Variants in MARCHF1 observed in about 807,000 individuals in gnomAD.
MARCHF1 encodes the protein E3 ubiquitin-protein ligase MARCHF1.
In MARCHF1, 40 loss-of-function variants were observed where a neutral mutation model predicts 54.2. The observed-to-expected ratio is 0.74, with a 90% CI of 0.57 to 0.96. The LOEUF (loss-of-function observed/expected upper bound fraction) is 0.96, where lower values mean the gene tolerates loss of function less well. Ranked by LOEUF, MARCHF1 falls within the 40% of genes least tolerant of loss-of-function variation. MARCHF1 has a pLI of 0.00. For missense variants in MARCHF1, 586 were observed against 656.5 expected (o/e 0.89, Z 1.17); for synonymous variants, 236 against 236.3 (o/e 1.00, Z 0.01).
intron 2 of MARCHF1, among the ~76,000 whole-genome samples, chr4:164,014,660 T>C (rs576237586): frequency 3.9e-4 from 59 of 152,116 alleles, no homozygotes; most frequent in African/African-American, 1.4e-3. Flanking sequence ...ACTTCACCTA[T>C]AAAAACACAT....
chr4:163,944,583 T>C (rs1751988277), intron 3 of MARCHF1, among the ~76,000 whole-genome samples: 1 of 152,148 alleles, frequency 6.6e-6, no homozygotes, highest in Non-Finnish European at 1.5e-5. Context: ...TTTCCTCCAC[T>C]CCATCCCACT....
intron 3 of MARCHF1, among the ~76,000 whole-genome samples, chr4:163,958,243 G>C (rs1752271107): frequency 8.4e-6 from 1 of 119,050 alleles, no homozygotes; most frequent in Non-Finnish European, 1.7e-5. Context: ...TCAATCAAGT[G>C]AGTGTGTGTG....
At chr4:164,150,761 A>T (rs142106725) in intron 1 of MARCHF1, among the ~76,000 whole-genome samples, 2 of 152,350 alleles carry the variant, frequency 1.3e-5, no homozygotes, top group East Asian at 3.9e-4. Flanking sequence ...TAAAGAAAAT[A>T]TATCTGTAGA....
In MARCHF1 at chr4:163,766,722, C is replaced by T. The variant is rs561421426; in HGVS notation, c.112-65859G>A. Among the ~76,000 whole-genome samples, 7 of 152,278 alleles carry T rather than the reference C, an allele frequency of 4.6e-5. No individual in the cohort carries two copies. In the South Asian group the frequency reaches 1.2e-3, roughly 27 times the overall value. ...CTACACACCTGATTACAGGAAATTTCCTCAAAGAGACAAACAAACATTTGC... is the reference window on the plus strand; with the variant it reads ...CTACACACCTGATTACAGGAAATTTTCTCAAAGAGACAAACAAACATTTGC... On this transcript the variant is annotated intron_variant, in intron 4 of 9. Transcript: ENST00000514618.
intron 2 of MARCHF1, among the ~76,000 whole-genome samples, chr4:164,032,132 T>G (rs562744498): frequency 6.6e-6 from 1 of 152,212 alleles, no homozygotes; most frequent in African/African-American, 2.4e-5. Flanking sequence ...TGGTGTTTAT[T>G]GTATTCTCTG....
rs150976036 is a variant in MARCHF1, at chr4:163,676,886, T to C, written c.162+23927A>G. 7.6e-4 allele frequency among the ~76,000 whole-genome samples: 115 copies of C among 151,884 alleles called. No individual in the cohort carries two copies. The East Asian group carries it at 0.017, about 22-fold the overall frequency. On this transcript the variant is annotated intron_variant, in intron 5 of 9. Transcript: ENST00000514618. Reference sequence around the variant, plus strand: ...AACAGATATAGACACTCAGATTGGATTAAAAAAGATTTGACAACAAAAAAG... The same window carrying C: ...AACAGATATAGACACTCAGATTGGACTAAAAAAGATTTGACAACAAAAAAG...
intron 4 of MARCHF1, among the ~76,000 whole-genome samples, chr4:163,815,810 A>G (rs1231476061): frequency 6.6e-6 from 1 of 152,200 alleles, no homozygotes; most frequent in African/African-American, 2.4e-5. Context: ...TCATAGAAAA[A>G]TCATAGAAGC....
intron 7 of MARCHF1, among the ~76,000 whole-genome samples, chr4:163,586,449 T>C (rs1740416574): frequency 6.6e-6 from 1 of 152,100 alleles, no homozygotes; most frequent in Non-Finnish European, 1.5e-5. Flanking sequence ...TCCAAAATCC[T>C]CCCAAAATTG....
chr4:163,923,515 G>GGC (rs1751475114), intron 3 of MARCHF1, among the ~76,000 whole-genome samples: 1 of 152,192 alleles, frequency 6.6e-6, no homozygotes, highest in South Asian at 2.1e-4. Flanking sequence ...GAGCATTACA[G>GGC]TTTTTATTAC....
intron 5 of MARCHF1, among the ~76,000 whole-genome samples, chr4:163,681,311 T>C (rs1393968324): frequency 2.0e-5 from 3 of 152,174 alleles, no homozygotes; most frequent in Admixed American, 6.5e-5. Flanking sequence ...AATGTTTCCA[T>C]CTATCTCAAG....
chr4:163,760,375 A>G (rs1014634090), intron 4 of MARCHF1, among the ~76,000 whole-genome samples: 11 of 152,238 alleles, frequency 7.2e-5, no homozygotes, highest in Non-Finnish European at 1.0e-4. Flanking sequence ...TTCTATTGCC[A>G]TAAGATAACA....
chr4:163,591,952 A>G (rs1295831881), intron 7 of MARCHF1, among the ~76,000 whole-genome samples: 1 of 151,912 alleles, frequency 6.6e-6, no homozygotes, highest in African/African-American at 2.4e-5. Flanking sequence ...ACAGTAGTTA[A>G]TATCATTCAG....
intron 3 of MARCHF1, among the ~76,000 whole-genome samples, chr4:163,983,731 C>T (rs1752806132): frequency 2.0e-5 from 3 of 152,098 alleles, no homozygotes; most frequent in Admixed American, 6.6e-5. Context: ...CTATGGACTT[C>T]AATGATGGGT....
At chr4:164,096,421 G>A (rs1170536490) in intron 2 of MARCHF1, among the ~76,000 whole-genome samples, 1 of 152,034 alleles carries the variant, frequency 6.6e-6, no homozygotes, top group Non-Finnish European at 1.5e-5. Context: ...TCAAAAGGAG[G>A]AAGAAAGGAA....
chr4:164,032,293 TC>T (rs1753894340), intron 2 of MARCHF1, among the ~76,000 whole-genome samples: 1 of 152,258 alleles, frequency 6.6e-6, no homozygotes, highest in Middle Eastern at 3.4e-3. Flanking sequence ...GCTCTTGGAT[TC>T]ATTGATTTTT....
chr4:163,982,588 A>G (rs1752784939), intron 3 of MARCHF1, among the ~76,000 whole-genome samples: 1 of 152,224 alleles, frequency 6.6e-6, no homozygotes, highest in Non-Finnish European at 1.5e-5. Flanking sequence ...ACAATAAAGG[A>G]CATATATCAA....
intron 4 of MARCHF1, among the ~76,000 whole-genome samples, chr4:163,728,600 T>C (rs1745737109): frequency 6.6e-6 from 1 of 152,214 alleles, no homozygotes; most frequent in Non-Finnish European, 1.5e-5. Flanking sequence ...ATTTAACTTG[T>C]TCATTATTGG....
chr4:163,636,454 GACAA>G (rs1742328097), intron 5 of MARCHF1, among the ~76,000 whole-genome samples: 1 of 146,266 alleles, frequency 6.8e-6, no homozygotes, highest in South Asian at 2.3e-4. Context: ...ACCAACAACA[GACAA>G]ACAGAGAGCC....
chr4:163,651,930 T>A (rs534018786), intron 5 of MARCHF1, among the ~76,000 whole-genome samples: 68 of 151,850 alleles, frequency 4.5e-4, no homozygotes, highest in African/African-American at 1.5e-3. Context: ...TGTGGCCCAC[T>A]AGGCTCTATG....
Sources: allele counts gnomAD v4.1 joint callset (sites outside exome capture counted in the v4.1 genomes callset), GRCh38; gene constraint gnomAD v4.1.1; transcripts MANE v1.5; gene names NCBI Gene and HGNC (gene_info 2026-07-23, HGNC 2026-07-21).